Variants in KCNH2 observed in about 807,000 individuals in gnomAD.
The protein encoded by KCNH2 is potassium voltage-gated channel subfamily H member 2.
In KCNH2, 35 loss-of-function variants were observed where a neutral mutation model predicts 95.9. The observed-to-expected ratio is 0.37, with a 90% confidence interval of 0.28 to 0.48. The LOEUF (loss-of-function observed/expected upper bound fraction) is 0.48, where lower values mean the gene tolerates loss of function less well. Among genes scored for constraint, KCNH2 ranks in the 20% least tolerant of loss-of-function variants. The pLI, the probability that KCNH2 is intolerant of heterozygous loss-of-function variation, is 0.99. For missense variants in KCNH2, 1,274 were observed against 1,702.9 expected (o/e 0.75, Z 4.43); for synonymous variants, 786 against 754.7 (o/e 1.04, Z -0.68).
intron 2 of KCNH2, among the ~76,000 whole-genome samples, chr7:150,966,413 C>A (rs972654479): frequency 8.0e-6 from 1 of 125,696 alleles, no homozygotes; most frequent in Non-Finnish European, 1.6e-5. Flanking sequence ...ACACACAGGA[C>A]ACTGTGAAGC....
intron 10 of KCNH2, 121 bp downstream of exon 10, chr7:150,948,735 T>C: frequency 1.8e-6 from 2 of 1,119,160 alleles, no homozygotes; most frequent in South Asian, 2.6e-5. Flanking sequence ...TGCTCTATGA[T>C]ACCATTTGAC....
At chr7:150,969,340 A>G (rs963466251) in intron 2 of KCNH2, among the ~76,000 whole-genome samples, 14 of 152,214 alleles carry the variant, frequency 9.2e-5, no homozygotes, top group Admixed American at 2.6e-4. Context: ...TACAAAGTGC[A>G]GTCACAACAA....
In KCNH2 at chr7:150,955,480, C is replaced by T. The variant is rs41313083; in HGVS notation, c.1128+1811G>A. On this transcript the variant is annotated intron_variant, in intron 5 of 14. Coordinates refer to ENST00000262186, the MANE Select transcript of KCNH2 (RefSeq NM_000238.4). ...TGGGCCGCAGAGCCCCTGTCCTGCTCGCCTTCCCGGCTGGGGCCGCCATGG... is the reference window on the plus strand; with the variant it reads ...TGGGCCGCAGAGCCCCTGTCCTGCTTGCCTTCCCGGCTGGGGCCGCCATGG... 257 of 1,552,750 alleles carry T rather than the reference C, an allele frequency of 1.7e-4. No individual in the cohort carries two copies. The highest frequency in any genetic ancestry group is 2.1e-4 in the Non-Finnish European group (241 of 1,148,568).
rs147367794 is a variant in KCNH2, at chr7:150,962,446, C to G, written c.308-2710G>C. ...CCCAGAAATTCCAACCTTGAGACCTCAGCAGCCCGTCCCCTCTTCAGCTCA... is the reference window on the plus strand; with the variant it reads ...CCCAGAAATTCCAACCTTGAGACCTGAGCAGCCCGTCCCCTCTTCAGCTCA... On this transcript the variant is annotated intron_variant, in intron 2 of 14. Transcript: ENST00000262186. This position sits in a 1 kb window ranked among gnomAD's most constrained non-coding sequence, Gnocchi z 5.7. Among the ~76,000 whole-genome samples the G allele has an allele frequency of 1.3e-5, 2 of 152,174 alleles. No homozygotes were observed. The highest frequency in any genetic ancestry group is 2.9e-5 in the Non-Finnish European group (2 of 68,034).
intron 1 of KCNH2, among the ~76,000 whole-genome samples, chr7:150,976,255 A>G (rs1801977104): frequency 6.6e-6 from 1 of 152,104 alleles, no homozygotes; most frequent in African/African-American, 2.4e-5. Context: ...ACCCTGAGAT[A>G]GGCCCAGGCC....
intron 2 of KCNH2, among the ~76,000 whole-genome samples, chr7:150,973,119 T>C (rs555218126): frequency 2.4e-4 from 37 of 152,186 alleles, no homozygotes; most frequent in Non-Finnish European, 5.0e-4. Context: ...ACTTGTCCAG[T>C]AGTGTATAAT....
In KCNH2 at chr7:150,958,169, C is replaced by T. The variant is rs1801443442; in HGVS notation, c.806G>A (p.Arg269Gln). 7.4e-7 allele frequency: 1 copy of T among 1,345,014 alleles called. No homozygotes were observed. Among genetic ancestry groups the T allele is most frequent in the Non-Finnish European group, 9.5e-7 (1 of 1,050,142 alleles). The allele number at this position is 1,345,014 out of a possible 1,614,324, so 83.3% of individuals were successfully genotyped here. A position where few individuals can be genotyped will look rare whatever the true frequency, so the allele number is the denominator to read the frequency against. The change falls in exon 4 of 15, where the codon CGG becomes CAG. Residue 269 changes from arginine to glutamine, a missense_variant. Physicochemically the swap from Arg to Gln is conservative, Grantham distance 43 (BLOSUM62 1). Transcript: ENST00000262186. Reference sequence around the variant, plus strand: ...GGCGCAGCTTTCTCGGGAGCGCGTCCGGGCCAGGCTGCAGCTGGAGCCCGA... The same window carrying T: ...GGCGCAGCTTTCTCGGGAGCGCGTCTGGGCCAGGCTGCAGCTGGAGCCCGA... Reference protein sequence around the residue: ...DASGSSCSLARTRSRESCASV... With the variant: ...DASGSSCSLAQTRSRESCASV...
chr7:150,958,392 C>A lies in KCNH2; in HGVS notation c.583G>T (p.Val195Leu). ...GCGGGCGTCAGGTCCACGTCCACCACCACGGCCCCCGGGGCGCCCGCGCCG... is the reference window on the plus strand; with the variant it reads ...GCGGGCGTCAGGTCCACGTCCACCAACACGGCCCCCGGGGCGCCCGCGCCG... ...AGGAGAPGAV[V>L]VDVDLTPAAP... Residue 195 changes from valine (V) to leucine (L), a missense_variant, in exon 4 of 15, where the codon GTG becomes TTG. By Grantham distance (32) the Val-to-Leu change is conservative. This residue lies in a region of KCNH2 where 392 missense variants were observed against 429.9 expected (regional missense o/e 0.91). Transcript: ENST00000262186. The A allele has an allele frequency of 6.8e-7, 1 of 1,464,764 alleles. No individual in the cohort carries two copies. The highest frequency in any genetic ancestry group is 1.3e-5 in the South Asian group (1 of 76,854). 90.7% of individuals were successfully genotyped at this position (1,464,764 alleles called of 1,614,324 possible).
rs1261949255 is a variant in KCNH2, at chr7:150,947,615, G to T, written c.2956C>A (p.Pro986Thr). 4 of 1,612,672 alleles carry T rather than the reference G, an allele frequency of 2.5e-6. No homozygotes were observed. The highest frequency in any genetic ancestry group is 1.3e-5 in the African/African-American group (1 of 74,888). Residue 986 changes from proline (P) to threonine (T), a missense_variant, in exon 12 of 15, where the codon CCC becomes ACC. Coordinates refer to ENST00000262186, the MANE Select transcript of KCNH2 (RefSeq NM_000238.4). ...DCEKSSDTCNPLSGAFSGVSN... is the reference protein window; with the variant it reads ...DCEKSSDTCNTLSGAFSGVSN... ...CCGTCGCCCGGGATACCTGACAGGGGGTTGCAAGTGTCGCTGCTCTTCTCG... is the reference window on the plus strand; with the variant it reads ...CCGTCGCCCGGGATACCTGACAGGGTGTTGCAAGTGTCGCTGCTCTTCTCG...
intron 2 of KCNH2, among the ~76,000 whole-genome samples, chr7:150,966,998 G>A (rs1801722969): frequency 6.6e-6 from 1 of 152,188 alleles, no homozygotes; most frequent in East Asian, 1.9e-4. Context: ...GAAAAAGGGA[G>A]GCCAGGCGCG....
intron 1 of KCNH2, 119 bp downstream of exon 1, chr7:150,977,719 G>T: frequency 2.9e-6 from 2 of 686,844 alleles, no homozygotes; most frequent in Non-Finnish European, 4.5e-6. Context: ...GGGCCCACCA[G>T]GCCCCATTGA....
Position 150,958,108 on chromosome 7 carries a change from CTCGATGTCG to C in KCNH2, c.858_866del (p.Asp286_Ile288del). 1 of 1,297,504 alleles carries C rather than the reference CTCGATGTCG, an allele frequency of 7.7e-7. No individual in the cohort carries two copies. The allele number at this position is 1,297,504 out of a possible 1,614,324, so 80.4% of individuals were successfully genotyped here. On this transcript the variant is annotated inframe_deletion, in exon 4 of 15. Coordinates refer to ENST00000262186, the MANE Select transcript of KCNH2 (RefSeq NM_000238.4). ...GGGGCAGCACCCCGGCGCGCATGGCCTCGATGTCGTCGGCCGACGAGGCGCGGCGCACGC... is the reference window on the plus strand; with the variant it reads ...GGGGCAGCACCCCGGCGCGCATGGCCTCGGCCGACGAGGCGCGGCGCACGC...
rs888254722 is a variant in KCNH2, at chr7:150,967,375, T to C, written c.307+7336A>G. On this transcript the variant is annotated intron_variant, in intron 2 of 14. Transcript: ENST00000262186. ...TAAAAAACAGAATGAAGAGAGAGGATTTGCCTCAGCAGACGCTAAGACATA... is the reference window on the plus strand; with the variant it reads ...TAAAAAACAGAATGAAGAGAGAGGACTTGCCTCAGCAGACGCTAAGACATA... Among the ~76,000 whole-genome samples, 7 of 152,220 alleles carry C rather than the reference T, an allele frequency of 4.6e-5. No homozygotes were observed. The South Asian group carries it at 1.2e-3, about 27-fold the overall frequency.
rs1800889375 is a variant in KCNH2, at chr7:150,946,431, T to C, written c.3330+446A>G. ...GGCAGGACGGTGAGACCAGGGAGTG[T>C]CACTCACAGAAGGGACCCGGGACCC... On this transcript the variant is annotated intron_variant, in intron 14 of 14. Coordinates refer to ENST00000262186, the MANE Select transcript of KCNH2 (RefSeq NM_000238.4). This position sits in a 1 kb window ranked among gnomAD's most constrained non-coding sequence, Gnocchi z 6.5. Among the ~76,000 whole-genome samples the C allele has an allele frequency of 6.6e-6, 1 of 152,114 alleles. No individual in the cohort carries two copies.
chr7:150,947,840 C>T lies in KCNH2; in HGVS notation c.2731G>A (p.Gly911Ser). The change falls in exon 12 of 15, where the codon GGC (glycine) becomes AGC (serine). Residue 911 changes from glycine (G) to serine (S), a missense_variant. Gly to Ser is a moderately conservative substitution (Grantham distance 56). Coordinates refer to ENST00000262186, the MANE Select transcript of KCNH2 (RefSeq NM_000238.4). ...QPGEVSALGP[G>S]RAGAGPSSRG... Reference sequence around the variant, plus strand: ...CTACTCGGCCCTGCCCCCGCCCGGCCCGGCCCCAAGGCCGACACCTCCCCT... The same window carrying T: ...CTACTCGGCCCTGCCCCCGCCCGGCTCGGCCCCAAGGCCGACACCTCCCCT... The T allele has an allele frequency of 6.6e-7, 1 of 1,526,172 alleles. No homozygotes were observed. The highest frequency in any genetic ancestry group is 8.8e-7 in the Non-Finnish European group (1 of 1,142,536). 94.5% of individuals were successfully genotyped at this position (1,526,172 alleles called of 1,614,324 possible).
At position 150,950,332 on chromosome 7, in the gene KCNH2, C is replaced by T. The variant is rs1801091636; in HGVS notation, c.2234G>A (p.Gly745Glu). 2 of 1,613,468 alleles carry T rather than the reference C, an allele frequency of 1.2e-6. No homozygotes were observed. The highest frequency in any genetic ancestry group is 1.7e-5 in the Admixed American group (1 of 60,008). Residue 745 changes from glycine to glutamate, a missense_variant, in exon 9 of 15, where the codon GGG becomes GAG. By Grantham distance (98) the Gly-to-Glu change is moderately conservative. Transcript: ENST00000262186. ...GGCCCGAAGGCAGCCCTTGGTGGCC[C>T]CTCGGAAGGGTTTGCAGTGCTGCAG... ...SLLQHCKPFR[G>E]ATKGCLRALA...
At chr7:150,948,341 G>A in intron 11 of KCNH2, 103 bp downstream of exon 11, 1 of 921,298 alleles carries the variant, frequency 1.1e-6, no homozygotes, top group Non-Finnish European at 1.7e-6. Context: ...GAAGGGATGG[G>A]AAGGTCTGAG....
chr7:150,974,689 C>T (rs1801927986), intron 2 of KCNH2, 22 bp downstream of exon 2: 5 of 1,300,898 alleles, frequency 3.8e-6, no homozygotes, highest in Non-Finnish European at 5.1e-6. Context: ...CTGGTCGTGG[C>T]CCCGCCCCGG....
In KCNH2 at chr7:150,952,004, T is replaced by C. The variant is rs1051569241; in HGVS notation, c.1558-169A>G. 1.3e-5 allele frequency among the ~76,000 whole-genome samples: 2 copies of C among 152,168 alleles called. No individual in the cohort carries two copies. The highest frequency in any genetic ancestry group is 4.8e-5 in the African/African-American group (2 of 41,436). On this transcript the variant is annotated intron_variant, in intron 6 of 14. Transcript: ENST00000262186. The surrounding 1 kb of genome is among the most constrained non-coding windows in gnomAD (Gnocchi z 7.3). The stretch of plus-strand genomic sequence containing the variant: ...ACTGGGCCCAGCACAGGTGTCTCAT[T>C]AATCTTAGTGCTAGCTTTGGGACAG...
Sources: allele counts gnomAD v4.1 joint callset (sites outside exome capture counted in the v4.1 genomes callset), GRCh38; gene constraint gnomAD v4.1.1; regional missense constraint gnomAD v4.1.1; non-coding constraint Gnocchi (gnomAD v3.1); transcripts MANE v1.5; gene names NCBI Gene and HGNC (gene_info 2026-07-23, HGNC 2026-07-21).